GSG1L: variants seen among roughly 807,000 people sequenced by gnomAD.
The protein encoded by GSG1L is germ cell-specific gene 1-like protein.
Under a neutral mutation model 42.1 loss-of-function variants are expected in GSG1L, and 24 were observed. The observed-to-expected ratio is 0.57, with a 90% confidence interval of 0.41 to 0.80. The LOEUF (loss-of-function observed/expected upper bound fraction) is 0.80. GSG1L is among the 30% of genes least tolerant of loss of function. GSG1L has a pLI of 0.00. For missense variants in GSG1L, 445 were observed against 472.2 expected (o/e 0.94, Z 0.53); for synonymous variants, 215 against 203.5 (o/e 1.06, Z -0.48).
chr16:28,057,361 T>C (rs1213881657), intron 1 of GSG1L, among the ~76,000 whole-genome samples: 1 of 152,046 alleles, frequency 6.6e-6, no homozygotes, highest in African/African-American at 2.4e-5. Flanking sequence ...GCATCCAAAC[T>C]GAGGTTTGGA....
intron 5 of GSG1L, among the ~76,000 whole-genome samples, chr16:27,828,504 G>A (rs917716052): frequency 3.3e-5 from 5 of 152,214 alleles, no homozygotes; most frequent in Admixed American, 6.5e-5. Flanking sequence ...ATGGTTCCAA[G>A]AAGCATAGGA....
Position 27,816,646 on chromosome 16 carries a change from G to A in GSG1L, c.831-9092C>T, listed in dbSNP as rs145297987. Among the ~76,000 whole-genome samples, 1,334 of 152,324 alleles carry A rather than the reference G, an allele frequency of 8.8e-3. 8 individuals are homozygous for A. Among genetic ancestry groups the A allele is most frequent in the Non-Finnish European group, 0.014 (949 of 68,030 alleles). On this transcript the variant is annotated intron_variant, in intron 5 of 6. Transcript: ENST00000447459. ...TTGTGAACTGCCATGGGGTAAAACC[G>A]TGGCTGAACTGAAGGGACCTCTATG...
Position 27,947,384 on chromosome 16 carries a change from A to AAAGAAAGAAAG in GSG1L, c.397+15771_397+15772insCTTTCTTTCTT, listed in dbSNP as rs2084886187. 8.4e-5 allele frequency among the ~76,000 whole-genome samples: 11 copies of AAAGAAAGAAAG among 130,764 alleles called. No homozygotes were observed. The South Asian group carries it at 2.8e-3, about 33-fold the overall frequency. 85.8% of individuals were successfully genotyped at this position (130,764 alleles called of 152,430 possible). ...GGAGGAGGAGAGAAAGAAAGAAAGA[A>AAAGAAAGAAAG]AAAGAAAGAAAGAAAGAAAGAAAGA... On this transcript the variant is annotated intron_variant, in intron 2 of 6. Transcript: ENST00000447459.
chr16:27,992,441 G>A (rs1336281097), intron 1 of GSG1L, among the ~76,000 whole-genome samples: 1 of 151,774 alleles, frequency 6.6e-6, no homozygotes, highest in East Asian at 1.9e-4. Flanking sequence ...GTTACAGTGA[G>A]CTGAGATTGT....
intron 2 of GSG1L, among the ~76,000 whole-genome samples, chr16:27,951,512 C>T (rs527897009): frequency 2.6e-5 from 4 of 152,242 alleles, no homozygotes; most frequent in Admixed American, 2.6e-4. Context: ...TGAAGGAGGG[C>T]TTTGTGGAGG....
intron 6 of GSG1L, among the ~76,000 whole-genome samples, chr16:27,797,818 T>A (rs2082835754): frequency 1.3e-5 from 1 of 78,206 alleles, no homozygotes; most frequent in East Asian, 3.4e-4. Flanking sequence ...AGAGACTCCA[T>A]CTCAAAAAAA....
chr16:27,929,190 A>C (rs1475049916), intron 2 of GSG1L, among the ~76,000 whole-genome samples: 1 of 152,234 alleles, frequency 6.6e-6, no homozygotes. Context: ...GGGAAGGGAC[A>C]GACGGTGACA....
At chr16:27,964,995 T>A (rs1280319353) in intron 1 of GSG1L, among the ~76,000 whole-genome samples, 1 of 152,176 alleles carries the variant, frequency 6.6e-6, no homozygotes, top group Non-Finnish European at 1.5e-5. Flanking sequence ...ACCTACTATG[T>A]ACCCACAAAA....
chr16:27,996,961 C>T (rs1248669400), intron 1 of GSG1L, among the ~76,000 whole-genome samples: 1 of 152,112 alleles, frequency 6.6e-6, no homozygotes, highest in Non-Finnish European at 1.5e-5. Flanking sequence ...AGGGTTTCGC[C>T]ATGTTGGCCA....
chr16:27,814,855 T>C (rs2083076519), intron 5 of GSG1L, among the ~76,000 whole-genome samples: 1 of 152,092 alleles, frequency 6.6e-6, no homozygotes, highest in Admixed American at 6.6e-5. Context: ...TGTCAGTACG[T>C]GACAATTTCC....
chr16:27,812,339 G>A (rs2083040826), intron 5 of GSG1L, among the ~76,000 whole-genome samples: 1 of 152,186 alleles, frequency 6.6e-6, no homozygotes, highest in African/African-American at 2.4e-5. Flanking sequence ...GGGTTGGCAG[G>A]GCCAATAACT....
intron 1 of GSG1L, among the ~76,000 whole-genome samples, chr16:28,021,340 A>T (rs535267344): frequency 6.6e-6 from 1 of 152,264 alleles, no homozygotes; most frequent in East Asian, 1.9e-4. Context: ...GCCCAAGGTC[A>T]CACCACTGCT....
At chr16:27,873,666 G>A (rs2083851325) in intron 3 of GSG1L, among the ~76,000 whole-genome samples, 1 of 152,180 alleles carries the variant, frequency 6.6e-6, no homozygotes, top group Non-Finnish European at 1.5e-5. Flanking sequence ...TACCAGCCCA[G>A]GGGGATGGGG....
intron 1 of GSG1L, among the ~76,000 whole-genome samples, chr16:27,985,273 G>C (rs894415232): frequency 5.3e-5 from 8 of 152,062 alleles, no homozygotes; most frequent in Non-Finnish European, 1.2e-4. Flanking sequence ...TTTGGGTCAT[G>C]GGGGCAGATT....
At chr16:27,957,046 C>T (rs1029796756) in intron 2 of GSG1L, among the ~76,000 whole-genome samples, 10 of 152,194 alleles carry the variant, frequency 6.6e-5, no homozygotes, top group African/African-American at 2.4e-4. Context: ...TCTGCATGTT[C>T]AGTATCAAGT....
intron 1 of GSG1L, among the ~76,000 whole-genome samples, chr16:28,023,945 G>A (rs1221156080): frequency 3.3e-5 from 5 of 152,222 alleles, no homozygotes; most frequent in African/African-American, 4.8e-5. Context: ...TAGGAGGATC[G>A]CTTGAGCCAA....
intron 2 of GSG1L, among the ~76,000 whole-genome samples, chr16:27,950,590 G>A (rs2084939781): frequency 6.6e-6 from 1 of 152,088 alleles, no homozygotes; most frequent in South Asian, 2.1e-4. Context: ...AGGGATGGCT[G>A]AGAAGGAAGG....
intron 1 of GSG1L, among the ~76,000 whole-genome samples, chr16:27,964,738 G>A (rs931108938): frequency 9.2e-5 from 14 of 152,112 alleles, no homozygotes; most frequent in African/African-American, 3.4e-4. Flanking sequence ...TGAATTCATG[G>A]ACATAGAGAG....
rs550762730 is a variant in GSG1L at position 27,848,252 on chromosome 16, C to T, written c.551-3191G>A. On this transcript the variant is annotated intron_variant, in intron 3 of 6. Coordinates refer to ENST00000447459, the MANE Select transcript of GSG1L (RefSeq NM_001109763.2). ...CCAGAGACCAGATCTGTTTGGCTCT[C>T]CCCTGAATCCCCAGCGCCAAGCCCA... 2.3e-3 allele frequency among the ~76,000 whole-genome samples: 349 copies of T among 152,294 alleles called. 2 individuals are homozygous for T. The highest frequency in any genetic ancestry group is 7.6e-3 in the African/African-American group (317 of 41,566).
Sources: allele counts gnomAD v4.1 joint callset (sites outside exome capture counted in the v4.1 genomes callset), GRCh38; gene constraint gnomAD v4.1.1; transcripts MANE v1.5; gene names NCBI Gene and HGNC (gene_info 2026-07-23, HGNC 2026-07-21).